Variants in CRTAC1 observed in about 807,000 individuals in gnomAD.
The protein encoded by CRTAC1 is cartilage acidic protein 1.
Under a neutral mutation model 67.8 loss-of-function variants are expected in CRTAC1, and 37 were observed. The ratio of observed to expected loss-of-function variants is 0.55; its 90% CI spans 0.42 to 0.72. The LOEUF (loss-of-function observed/expected upper bound fraction) is 0.72. Among genes scored for constraint, CRTAC1 ranks in the 30% least tolerant of loss-of-function variants. The pLI is 0.00. For synonymous variants in CRTAC1, 348 were observed against 371.0 expected (o/e 0.94, Z 0.71); for missense variants, 780 against 931.6 (o/e 0.84, Z 2.12).
intron 11 of CRTAC1, among the ~76,000 whole-genome samples, chr10:97,886,485 A>G (rs2050286690): frequency 6.6e-6 from 1 of 152,190 alleles, no homozygotes; most frequent in Admixed American, 6.5e-5. Flanking sequence ...CTCTTCCCAC[A>G]GGGAAATCCT....
chr10:97,895,510 A>G lies in CRTAC1; in HGVS notation c.1318-97T>C. 9.0e-7 allele frequency: 1 copy of G among 1,105,816 alleles called. No homozygotes were observed. The highest frequency in any genetic ancestry group is 1.3e-6 in the Non-Finnish European group (1 of 776,108). The allele number at this position is 1,105,816 out of a possible 1,614,324, so 68.5% of individuals were successfully genotyped here. A position where few individuals can be genotyped will look rare whatever the true frequency, so the allele number is the denominator to read the frequency against. On this transcript the variant is annotated intron_variant, in intron 10 of 14. Transcript: ENST00000370597. This position sits in a 1 kb window ranked among gnomAD's most constrained non-coding sequence, Gnocchi z 4.2. ...AGGACGGGAGGGGGAGAGGGAGAAG[A>G]AGGAGGAAGAGAAGAAAGCAGGCAG...
intron 13 of CRTAC1, 47 bp from the exon 14 acceptor site, chr10:97,880,439 G>A (rs770315823): frequency 1.3e-6 from 2 of 1,599,260 alleles, no homozygotes; most frequent in Non-Finnish European, 1.7e-6. Flanking sequence ...GGGGCAGCAA[G>A]TACCAGCCCA....
intron 5 of CRTAC1, among the ~76,000 whole-genome samples, chr10:97,913,777 C>T (rs768518225): frequency 5.3e-5 from 8 of 152,172 alleles, no homozygotes; most frequent in Non-Finnish European, 1.0e-4. Flanking sequence ...TCTGGCTTCA[C>T]TCCCGATGAA....
chr10:97,876,991 G>A (rs1468935994), intron 14 of CRTAC1, among the ~76,000 whole-genome samples: 4 of 106,650 alleles, frequency 3.8e-5, no homozygotes, highest in African/African-American at 1.5e-4. Flanking sequence ...GGTAGGTAAT[G>A]TTGAGTGGGT....
chr10:97,965,122 T>C (rs2136646284), intron 2 of CRTAC1, among the ~76,000 whole-genome samples: 1 of 152,322 alleles, frequency 6.6e-6, no homozygotes, highest in South Asian at 2.1e-4. Context: ...GTGTCAGAGC[T>C]GAGATCAAAA....
At chr10:97,905,443 C>T (rs1355334039) in intron 6 of CRTAC1, among the ~76,000 whole-genome samples, 1 of 152,186 alleles carries the variant, frequency 6.6e-6, no homozygotes, top group East Asian at 1.9e-4. Flanking sequence ...CCGGGAAGCC[C>T]TCCCTGACCA....
chr10:97,950,246 CAGAGAGAGAG>C (rs71007371), intron 2 of CRTAC1, among the ~76,000 whole-genome samples: 2,854 of 113,394 alleles, frequency 0.025, 52 homozygotes, highest in Non-Finnish European at 0.037. Flanking sequence ...CACACACACA[CAGAGAGAGAG>C]AGAGAGAGAG....
chr10:97,897,970 C>A (rs1035529887), intron 8 of CRTAC1, among the ~76,000 whole-genome samples: 2 of 152,180 alleles, frequency 1.3e-5, no homozygotes, highest in Admixed American at 1.3e-4. Context: ...CCTTTGGTGG[C>A]TGGGTGGCAG....
In CRTAC1 at chr10:97,865,439, G is replaced by A; in HGVS notation, c.*109C>T. On this transcript the variant is annotated 3_prime_UTR_variant, in exon 15 of 15. Coordinates refer to ENST00000370597, the MANE Select transcript of CRTAC1 (RefSeq NM_018058.7). ...AGTAATGTGCATGGATGGGCTTGGG[G>A]AGGGTCTAGCTCCCAGGCCTTTACA... 7.5e-7 allele frequency: 1 copy of A among 1,339,744 alleles called. No homozygotes were observed. The highest frequency in any genetic ancestry group is 1.0e-6 in the Non-Finnish European group (1 of 987,618). The allele number at this position is 1,339,744 out of a possible 1,614,324, so 83.0% of individuals were successfully genotyped here.
At chr10:97,941,747 C>A (rs1027130810) in intron 2 of CRTAC1, among the ~76,000 whole-genome samples, 1 of 152,218 alleles carries the variant, frequency 6.6e-6, no homozygotes, top group Non-Finnish European at 1.5e-5. Flanking sequence ...AGACACCCTT[C>A]TCTGTTGCCT....
chr10:97,881,963 C>T lies in CRTAC1; in HGVS notation c.1675+823G>A, dbSNP rs562130626. Among the ~76,000 whole-genome samples the T allele has an allele frequency of 3.2e-3, 491 of 152,322 alleles. 2 individuals are homozygous for T. The highest frequency in any genetic ancestry group is 5.9e-3 in the Non-Finnish European group (400 of 68,018). On this transcript the variant is annotated intron_variant, in intron 13 of 14. Coordinates refer to ENST00000370597, the MANE Select transcript of CRTAC1 (RefSeq NM_018058.7). ...TGCTTTGTCATCTCCAAGCCCCTGCCCTCCCCCATCTGGGCCCTGATCACA... is the reference window on the plus strand; with the variant it reads ...TGCTTTGTCATCTCCAAGCCCCTGCTCTCCCCCATCTGGGCCCTGATCACA...
At chr10:98,025,618 A>G (rs996630373) in intron 1 of CRTAC1, among the ~76,000 whole-genome samples, 6 of 152,166 alleles carry the variant, frequency 3.9e-5, no homozygotes, top group African/African-American at 1.4e-4. Flanking sequence ...TAATGAACCA[A>G]TTGATTTCAT....
chr10:97,923,144 CACCCAA>C, intron 4 of CRTAC1, 114 bp downstream of exon 4: 1 of 1,112,520 alleles, frequency 9.0e-7, no homozygotes, highest in East Asian at 2.5e-5. Flanking sequence ...TGGTATTTAG[CACCCAA>C]TCTATCCAAG....
At chr10:97,872,442 C>A (rs2050104227) in intron 14 of CRTAC1, among the ~76,000 whole-genome samples, 1 of 152,182 alleles carries the variant, frequency 6.6e-6, no homozygotes, top group Non-Finnish European at 1.5e-5. Context: ...CTGCTCATGA[C>A]CTCTACCTAT....
chr10:98,030,457 C>G lies in CRTAC1; in HGVS notation c.16G>C (p.Asp6His). 8.0e-7 allele frequency: 1 copy of G among 1,250,336 alleles called. No individual in the cohort carries two copies. Among genetic ancestry groups the G allele is most frequent in the Non-Finnish European group, 1.0e-6 (1 of 989,528 alleles). The allele number at this position is 1,250,336 out of a possible 1,614,324, so 77.5% of individuals were successfully genotyped here. Residue 6 changes from aspartate (D) to histidine (H), a missense_variant, in exon 1 of 15, where the codon GAC becomes CAC. Asp to His is a moderately conservative substitution (Grantham distance 81). Transcript: ENST00000370597. This position sits in a 1 kb window ranked among gnomAD's most constrained non-coding sequence, Gnocchi z 4.2. MAPSADPGMSRMLPFL... is the reference protein window; with the variant it reads MAPSAHPGMSRMLPFL... ...CCGGTGCAGATACTCACGCCGGGGT[C>G]AGCGCTCGGAGCCATCCTCCCGCTC... is the stretch of plus-strand genomic sequence containing the variant.
intron 4 of CRTAC1, among the ~76,000 whole-genome samples, chr10:97,919,674 C>T (rs544237788): frequency 1.3e-5 from 2 of 152,058 alleles, no homozygotes; most frequent in Admixed American, 6.6e-5. Context: ...GCAACCACCC[C>T]CTAAGACCTG....
chr10:97,946,549 C>G (rs966167300), intron 2 of CRTAC1, among the ~76,000 whole-genome samples: 1 of 152,184 alleles, frequency 6.6e-6, no homozygotes, highest in African/African-American at 2.4e-5. Context: ...GAGGCAAGAG[C>G]TGGGAGCCTG....
Position 97,994,602 on chromosome 10 carries a change from G to C in CRTAC1, c.224+16536C>G, listed in dbSNP as rs141885368. Among the ~76,000 whole-genome samples, 596 of 152,284 alleles carry C rather than the reference G, an allele frequency of 3.9e-3. 2 individuals carry two copies. The highest frequency in any genetic ancestry group is 0.014 in the African/African-American group (565 of 41,552). On this transcript the variant is annotated intron_variant, in intron 2 of 14. Transcript: ENST00000370597. ...CCTCGTCTTCTCTCTGGATGTCATC[G>C]GCATTCTCTCAGGTTCCTCCATGAG...
chr10:97,872,122 C>T lies in CRTAC1; in HGVS notation c.1820-6408G>A, dbSNP rs556698270. On this transcript the variant is annotated intron_variant, in intron 14 of 14. Coordinates refer to ENST00000370597, the MANE Select transcript of CRTAC1 (RefSeq NM_018058.7). ...TCTTACTCACTCCCCACCCCCACCC[C>T]CACCTCCCCCTATCCTGAGTGCTTG... Among the ~76,000 whole-genome samples the T allele has an allele frequency of 1.7e-4, 25 of 150,186 alleles. No homozygotes were observed. In the South Asian group the frequency reaches 5.3e-3, roughly 32 times the overall value.
Sources: gnomAD v4.1 joint callset for allele counts (sites outside exome capture counted in the v4.1 genomes callset) on GRCh38, gnomAD v4.1.1 for gene constraint, Gnocchi (gnomAD v3.1) non-coding constraint, MANE v1.5 for transcripts, NCBI Gene and HGNC (gene_info 2026-07-23, HGNC 2026-07-21) for gene names.